Variants in ANKMY1 observed in about 807,000 individuals in gnomAD.
ANKMY1 encodes the protein ankyrin repeat and MYND domain-containing protein 1.
A neutral mutation model predicts 102.0 loss-of-function variants in ANKMY1; 98 were observed. That is an observed-to-expected ratio of 0.96 (90% CI 0.82 to 1.14). The LOEUF is 1.14. Among genes scored for constraint, ANKMY1 ranks in the 50% most tolerant of loss-of-function variants. The pLI, the probability that ANKMY1 is intolerant of heterozygous loss-of-function variation, is 0.00. For missense variants in ANKMY1, 1,330 were observed against 1,347.6 expected (o/e 0.99, Z 0.20); for synonymous variants, 582 against 559.9 (o/e 1.04, Z -0.56).
chr2:240,511,010 G>C (rs1365836542), intron 11 of ANKMY1, among the ~76,000 whole-genome samples: 1 of 151,966 alleles, frequency 6.6e-6, no homozygotes, highest in African/African-American at 2.4e-5. Context: ...ACTCAGGGCA[G>C]AGCGCCTGGC....
Position 240,482,260 on chromosome 2 carries a change from CG to C in ANKMY1, c.2807del (p.Ala936GlyfsTer3). On this transcript the variant is annotated frameshift_variant and splice_region_variant, in exon 16 of 18. Coordinates refer to ENST00000401804, the MANE Select transcript of ANKMY1 (RefSeq NM_001282771.3). LOFTEE classifies it high-confidence loss of function. ...TCATCCTGTGGCTGGGGATCAGCTCCGCTGCATGAGAGAGGGTCCCGCATTA... is the reference window on the plus strand; with the variant it reads ...TCATCCTGTGGCTGGGGATCAGCTCCCTGCATGAGAGAGGGTCCCGCATTA... ...DPTWLYLCKR[A>X]ELIPSHRMKK... 6.2e-7 allele frequency: 1 copy of C among 1,611,546 alleles called. No individual in the cohort carries two copies. Among genetic ancestry groups the C allele is most frequent in the Non-Finnish European group, 8.5e-7 (1 of 1,178,990 alleles).
At chr2:240,521,501 T>G (rs1488738762) in intron 8 of ANKMY1, among the ~76,000 whole-genome samples, 1 of 135,270 alleles carries the variant, frequency 7.4e-6, no homozygotes, top group African/African-American at 2.8e-5. Flanking sequence ...CTTTTTTTTT[T>G]TTTTTTTTTT....
In ANKMY1 at chr2:240,520,084, G is replaced by T; in HGVS notation, c.2004+278C>A. The stretch of plus-strand genomic sequence containing the variant: ...CCCCTTTCCAAGGGGCCTTCAGGAT[G>T]CGCTTCCCCTTAGTTTGCTTCAACA... On this transcript the variant is annotated intron_variant, in intron 9 of 17. Transcript: ENST00000401804. This position sits in a 1 kb window ranked among gnomAD's most constrained non-coding sequence, Gnocchi z 4.8. The T allele has an allele frequency of 1.6e-6, 1 of 638,304 alleles. No individual in the cohort carries two copies. Among genetic ancestry groups the T allele is most frequent in the Admixed American group, 2.1e-5 (1 of 47,144 alleles). The allele number at this position is 638,304 out of a possible 1,614,324, so 39.5% of individuals were successfully genotyped here. A position where few individuals can be genotyped will look rare whatever the true frequency, so the allele number is the denominator to read the frequency against.
chr2:240,481,380 A>T (rs2075363472), intron 16 of ANKMY1, among the ~76,000 whole-genome samples: 1 of 152,212 alleles, frequency 6.6e-6, no homozygotes, highest in South Asian at 2.1e-4. Flanking sequence ...ATGCACATCC[A>T]TTCAGGAGAC....
chr2:240,494,227 G>A (rs2076975519), intron 15 of ANKMY1, among the ~76,000 whole-genome samples: 1 of 152,138 alleles, frequency 6.6e-6, no homozygotes, highest in Non-Finnish European at 1.5e-5. Context: ...AGAGATGGTA[G>A]TATCCACACT....
In ANKMY1 at chr2:240,482,177, A is replaced by C; in HGVS notation, c.2885+6T>G. On this transcript the variant is annotated splice_donor_region_variant and intron_variant, in intron 16 of 17. Transcript: ENST00000401804. ...TGGAAAGAACCCAGCCTGCAGACAC[A>C]CTTACTGCCCCTGCTCCTTCACATC... is the stretch of plus-strand genomic sequence containing the variant. The C allele has an allele frequency of 6.2e-7, 1 of 1,612,028 alleles. No individual in the cohort carries two copies. Among genetic ancestry groups the C allele is most frequent in the Non-Finnish European group, 8.5e-7 (1 of 1,178,998 alleles).
chr2:240,555,053 T>A lies in ANKMY1; in HGVS notation c.149A>T (p.Asp50Val), dbSNP rs1372651957. ...TTCCTTCTCAGGGGCTGCTGAAACA[T>A]CCCTAAAAGGACAGGAGCAGAAGGA... ...LKNYAVFATR[D>V]VSAAPEKEEE... Residue 50 changes from aspartate to valine, a missense_variant and splice_region_variant, in exon 3 of 18, where the codon GAT becomes GTT. Physicochemically the swap from Asp to Val is radical, Grantham distance 152 (BLOSUM62 -3). Transcript: ENST00000401804. 6.2e-7 allele frequency: 1 copy of A among 1,613,764 alleles called. No individual in the cohort carries two copies. Among genetic ancestry groups the A allele is most frequent in the Non-Finnish European group, 8.5e-7 (1 of 1,179,838 alleles).
chr2:240,522,295 C>T (rs141705573), intron 8 of ANKMY1: 1 of 152,246 alleles, frequency 6.6e-6, no homozygotes, highest in Non-Finnish European at 1.5e-5. Flanking sequence ...CAATAATGCT[C>T]ACCAACTTGT....
At chr2:240,551,182 CT>C in intron 4 of ANKMY1, among the ~76,000 whole-genome samples, 1 of 148,448 alleles carries the variant, frequency 6.7e-6, no homozygotes, top group Non-Finnish European at 1.5e-5. Context: ...ATTGCTGATT[CT>C]TCTTTTGTCT....
downstream of ANKMY1, among the ~76,000 whole-genome samples, chr2:240,475,378 AGGAAAT>A (rs2074786283): frequency 1.3e-5 from 2 of 152,088 alleles, no homozygotes. Context: ...CTATCTGAAA[AGGAAAT>A]TAAGAAAACA....
rs548298447 is a variant in ANKMY1, at chr2:240,495,707, G to T, written c.2806+4251C>A. On this transcript the variant is annotated intron_variant, in intron 15 of 17. Transcript: ENST00000401804. ...CGGTCTCTACGTCTTGGTGGTAGTT[G>T]TCCCCCGGGCCCAGCTGTCTTTTAT... 5.9e-5 allele frequency among the ~76,000 whole-genome samples: 9 copies of T among 152,166 alleles called. No individual in the cohort carries two copies. In the East Asian group the frequency reaches 1.4e-3, roughly 23 times the overall value.
chr2:240,536,386 T>C (rs1425157862), intron 4 of ANKMY1, among the ~76,000 whole-genome samples: 3 of 151,924 alleles, frequency 2.0e-5, no homozygotes, highest in Non-Finnish European at 4.4e-5. Context: ...ATGAATAAAA[T>C]TGACACCTCC....
intron 3 of ANKMY1, chr2:240,553,358 T>C (rs2091861473): frequency 5.5e-6 from 2 of 365,540 alleles, no homozygotes; most frequent in Admixed American, 4.1e-5. Flanking sequence ...GCCTTCTCCC[T>C]GGTGACCTTG....
intron 4 of ANKMY1, among the ~76,000 whole-genome samples, chr2:240,536,680 G>A (rs1185292569): frequency 1.3e-5 from 2 of 152,134 alleles, no homozygotes; most frequent in African/African-American, 2.4e-5. Flanking sequence ...TTCTCTACAA[G>A]AAAATATTAC....
intron 4 of ANKMY1, among the ~76,000 whole-genome samples, chr2:240,547,211 C>T (rs1197183089): frequency 6.6e-6 from 1 of 152,198 alleles, no homozygotes. Flanking sequence ...AAGAATCTCA[C>T]TCAAAACCGC....
intron 15 of ANKMY1, among the ~76,000 whole-genome samples, chr2:240,498,993 A>G (rs1386204560): frequency 1.3e-5 from 2 of 152,188 alleles, no homozygotes; most frequent in Non-Finnish European, 2.9e-5. Context: ...AAGCCTATTA[A>G]ACCTCTTTTC....
At position 240,509,260 on chromosome 2, in the gene ANKMY1, C is replaced by A. The variant is rs374921137; in HGVS notation, c.2394+88G>T. On this transcript the variant is annotated intron_variant, in intron 12 of 17. Transcript: ENST00000401804. ...GGATGGATGGATAAATGGCCAACAACTTCAAATCCCAATGACGGACTGGTG... is the reference window on the plus strand; with the variant it reads ...GGATGGATGGATAAATGGCCAACAAATTCAAATCCCAATGACGGACTGGTG... The A allele has an allele frequency of 7.0e-4, 797 of 1,135,408 alleles. 8 individuals carry two copies. The African/African-American group carries it at 0.011, about 16-fold the overall frequency. 70.3% of individuals were successfully genotyped at this position (1,135,408 alleles called of 1,614,324 possible). A position where few individuals can be genotyped will look rare whatever the true frequency, so the allele number is the denominator to read the frequency against.
At chr2:240,523,831 G>A (rs1225418782) in intron 8 of ANKMY1, 54 bp downstream of exon 8, 4 of 1,579,830 alleles carry the variant, frequency 2.5e-6, no homozygotes, top group African/African-American at 2.7e-5. Flanking sequence ...GCTGAGCATA[G>A]GATTCAGCCC....
chr2:240,514,848 A>G (rs2080896158), intron 9 of ANKMY1, among the ~76,000 whole-genome samples: 1 of 152,086 alleles, frequency 6.6e-6, no homozygotes, highest in Non-Finnish European at 1.5e-5. Context: ...GCTGCCTGGA[A>G]CCTGCCCTGC....
Sources: allele counts gnomAD v4.1 joint callset (sites outside exome capture counted in the v4.1 genomes callset), GRCh38; gene constraint gnomAD v4.1.1; non-coding constraint Gnocchi (gnomAD v3.1); transcripts MANE v1.5; gene names NCBI Gene and HGNC (gene_info 2026-07-23, HGNC 2026-07-21).